Variants in CLIC5 observed in about 807,000 individuals in gnomAD.
The protein encoded by CLIC5 is chloride intracellular channel protein 5.
Under a neutral mutation model 24.7 loss-of-function variants are expected in CLIC5, and 20 were observed. That is an observed-to-expected ratio of 0.81 (90% CI 0.57 to 1.18). The LOEUF (loss-of-function observed/expected upper bound fraction) is 1.18, where lower values mean the gene tolerates loss of function less well. CLIC5 is among the 50% of genes most tolerant of loss of function. The probability of loss-of-function intolerance (pLI) is 0.00; values close to 1 mark genes in which losing one functional copy is unlikely to be tolerated. For synonymous variants in CLIC5, 159 were observed against 135.6 expected (o/e 1.17, Z -1.20); for missense variants, 341 against 326.1 (o/e 1.05, Z -0.35).
At chr6:45,886,133 G>T (rs1472474424) in intron 6 of CLIC5, among the ~76,000 whole-genome samples, 1 of 152,202 alleles carries the variant, frequency 6.6e-6, no homozygotes, top group Non-Finnish European at 1.5e-5. Flanking sequence ...AGGCTTATTT[G>T]GGTCACTTCA....
At chr6:46,125,646 G>A in the CLIC5 span, among the ~76,000 whole-genome samples, 8 of 151,902 alleles carry the variant, frequency 5.3e-5, no homozygotes, top group African/African-American at 1.2e-4. Flanking sequence ...ACTGAGTCAT[G>A]TAAAGTGAAA....
the CLIC5 span, among the ~76,000 whole-genome samples, chr6:46,098,454 C>G: frequency 6.6e-6 from 1 of 152,144 alleles, no homozygotes; most frequent in South Asian, 2.1e-4. Context: ...GCCACCATAG[C>G]TGGTTTACAT....
At chr6:45,913,934 G>A (rs1762913462) in intron 5 of CLIC5, 3 of 613,848 alleles carry the variant, frequency 4.9e-6, no homozygotes, top group Non-Finnish European at 7.1e-6. Context: ...AACGATAATT[G>A]CGACTATTAC....
upstream of CLIC5, among the ~76,000 whole-genome samples, chr6:46,082,503 A>C (rs10948278): frequency 0.16 from 24,419 of 152,094 alleles, 2,204 homozygotes; most frequent in South Asian, 0.34. Context: ...ATAATCCACA[A>C]CCACTCTCCT....
downstream of CLIC5, among the ~76,000 whole-genome samples, chr6:45,897,220 A>G (rs1393214433): frequency 6.6e-6 from 1 of 152,166 alleles, no homozygotes; most frequent in Non-Finnish European, 1.5e-5. Context: ...GCAGTGACCT[A>G]AGGAGTCACT....
intron 5 of CLIC5, chr6:45,911,497 G>A (rs748627373): frequency 5.4e-4 from 324 of 595,802 alleles, no homozygotes; most frequent in Non-Finnish European, 6.6e-4. Flanking sequence ...ATTCATGCAG[G>A]AGTGGTGGCC....
At chr6:46,092,152 A>G in the CLIC5 span, among the ~76,000 whole-genome samples, 1 of 152,228 alleles carries the variant, frequency 6.6e-6, no homozygotes, top group East Asian at 1.9e-4. Flanking sequence ...ACACCTGAGG[A>G]AATTGAGTTT....
chr6:46,084,682 C>T (rs1394204871), upstream of CLIC5, among the ~76,000 whole-genome samples: 3 of 152,188 alleles, frequency 2.0e-5, no homozygotes, highest in Admixed American at 1.3e-4. Flanking sequence ...GGTAACCCGA[C>T]CTTTCTCTCT....
the CLIC5 span, chr6:46,097,434 A>T: frequency 2.0e-5 from 3 of 152,378 alleles, no homozygotes; most frequent in Non-Finnish European, 4.4e-5. Flanking sequence ...CCATTGATGT[A>T]CATTTGGAGA....
chr6:46,000,115 T>A (rs1428576168), intron 1 of CLIC5, among the ~76,000 whole-genome samples: 1 of 152,186 alleles, frequency 6.6e-6, no homozygotes, highest in Non-Finnish European at 1.5e-5. Context: ...ATACCATATA[T>A]AATGCATATA....
intron 1 of CLIC5, among the ~76,000 whole-genome samples, chr6:46,053,759 G>A (rs532016862): frequency 1.3e-5 from 2 of 152,086 alleles, no homozygotes; most frequent in Non-Finnish European, 2.9e-5. Context: ...AGTTGTTGTC[G>A]CAGTGGCTGC....
At chr6:46,008,619 G>T (rs563103465) in intron 1 of CLIC5, among the ~76,000 whole-genome samples, 1 of 151,592 alleles carries the variant, frequency 6.6e-6, no homozygotes, top group East Asian at 1.9e-4. Context: ...TATATTGATT[G>T]ATTGATTATA....
chr6:45,933,782 C>T (rs1325012433), intron 4 of CLIC5, among the ~76,000 whole-genome samples: 1 of 152,156 alleles, frequency 6.6e-6, no homozygotes, highest in Non-Finnish European at 1.5e-5. Flanking sequence ...GTTGGCGACA[C>T]ACGCCTGAGG....
Position 46,042,296 on chromosome 6 carries a change from T to C in CLIC5, c.540+37407A>G, listed in dbSNP as rs901394212. 1.3e-5 allele frequency among the ~76,000 whole-genome samples: 2 copies of C among 152,224 alleles called. 1 individual carries two copies. Among genetic ancestry groups the C allele is most frequent in the Non-Finnish European group, 2.9e-5 (2 of 68,036 alleles). The stretch of plus-strand genomic sequence containing the variant: ...ATTTCTGCATTCAATAACAAACTTA[T>C]CTTTGAAATAGAAAATGGCTTATGA... On this transcript the variant is annotated intron_variant, in intron 1 of 5. Coordinates refer to the CLIC5 transcript ENST00000185206.
At chr6:45,967,487 G>A (rs1765054379) in intron 1 of CLIC5, among the ~76,000 whole-genome samples, 1 of 152,212 alleles carries the variant, frequency 6.6e-6, no homozygotes. Context: ...AGCCTCAAAG[G>A]TAAGAGAGTT....
At chr6:46,103,721 T>C in the CLIC5 span, among the ~76,000 whole-genome samples, 1 of 152,194 alleles carries the variant, frequency 6.6e-6, no homozygotes, top group Non-Finnish European at 1.5e-5. Context: ...TTGTATGCCT[T>C]TTCTCCAATT....
intron 1 of CLIC5, among the ~76,000 whole-genome samples, chr6:46,041,355 T>A (rs527982628): frequency 6.6e-6 from 1 of 152,222 alleles, no homozygotes; most frequent in Non-Finnish European, 1.5e-5. Context: ...TTGTAAATAA[T>A]TAATGGTCCC....
At chr6:45,972,066 G>A (rs1294636734) in intron 1 of CLIC5, among the ~76,000 whole-genome samples, 1 of 152,150 alleles carries the variant, frequency 6.6e-6, no homozygotes, top group Non-Finnish European at 1.5e-5. Context: ...CAGTGTCTCA[G>A]AGACATACCA....
At chr6:46,032,755 G>T (rs9472673) in intron 1 of CLIC5, among the ~76,000 whole-genome samples, 2 of 152,036 alleles carry the variant, frequency 1.3e-5, no homozygotes, top group Non-Finnish European at 1.5e-5. Context: ...TGCCAAAGCC[G>T]AGAGGAACTT....
Sources: allele counts gnomAD v4.1 joint callset (sites outside exome capture counted in the v4.1 genomes callset), GRCh38; gene constraint gnomAD v4.1.1; transcripts MANE v1.5; gene names NCBI Gene and HGNC (gene_info 2026-07-23, HGNC 2026-07-21).